The following SLC26A7 variants were observed in gnomAD, a reference collection of about 807,000 sequenced individuals.
SLC26A7 encodes the protein anion exchange transporter.
In SLC26A7, 59 loss-of-function variants were observed where a neutral mutation model predicts 82.5. The ratio of observed to expected loss-of-function variants is 0.72; its 90% confidence interval spans 0.58 to 0.89. The LOEUF is 0.89. SLC26A7 is among the 40% of genes least tolerant of loss of function. The pLI, the probability that SLC26A7 is intolerant of heterozygous loss-of-function variation, is 0.00. For synonymous variants in SLC26A7, 271 were observed against 274.3 expected (o/e 0.99, Z 0.12); for missense variants, 820 against 793.0 (o/e 1.03, Z -0.41).
At chr8:91,279,058 A>G (rs973225620) in intron 2 of SLC26A7, among the ~76,000 whole-genome samples, 1 of 146,834 alleles carries the variant, frequency 6.8e-6, no homozygotes, top group East Asian at 2.1e-4. Flanking sequence ...TTCATCTACA[A>G]TGTCACAAAT....
At chr8:91,321,477 G>A (rs975621149) in intron 5 of SLC26A7, among the ~76,000 whole-genome samples, 3 of 152,174 alleles carry the variant, frequency 2.0e-5, no homozygotes, top group Admixed American at 6.5e-5. Flanking sequence ...AGTTCTTCCC[G>A]AGTGTGAAAC....
intron 15 of SLC26A7, among the ~76,000 whole-genome samples, chr8:91,387,844 TA>T (rs1387129277): frequency 6.6e-6 from 1 of 152,292 alleles, no homozygotes; most frequent in East Asian, 1.9e-4. Context: ...ACCCACTCCT[TA>T]AAAAAATTAC....
At chr8:91,377,504 C>A (rs186981939) in intron 15 of SLC26A7, among the ~76,000 whole-genome samples, 1 of 152,270 alleles carries the variant, frequency 6.6e-6, no homozygotes, top group African/African-American at 2.4e-5. Flanking sequence ...CGCAGTGACT[C>A]AAGGACAGAG....
At chr8:91,321,729 A>G (rs544841056) in intron 5 of SLC26A7, among the ~76,000 whole-genome samples, 53 of 152,168 alleles carry the variant, frequency 3.5e-4, no homozygotes, top group Non-Finnish European at 5.9e-4. Flanking sequence ...TGATTAAACT[A>G]TCTTTCTTTT....
intron 11 of SLC26A7, among the ~76,000 whole-genome samples, chr8:91,353,610 A>C (rs1813782237): frequency 6.6e-6 from 1 of 152,126 alleles, no homozygotes; most frequent in Non-Finnish European, 1.5e-5. Flanking sequence ...CTCCCTCTCC[A>C]ATATGGGAGA....
intron 2 of SLC26A7, among the ~76,000 whole-genome samples, chr8:91,250,675 AG>A (rs902216099): frequency 7.2e-5 from 11 of 152,152 alleles, no homozygotes; most frequent in African/African-American, 2.7e-4. Context: ...TAGACACTGC[AG>A]GCTTATATTT....
At chr8:91,288,143 G>A (rs1811759723) in intron 2 of SLC26A7, among the ~76,000 whole-genome samples, 1 of 152,126 alleles carries the variant, frequency 6.6e-6, no homozygotes, top group South Asian at 2.1e-4. Flanking sequence ...AATGGTAAAA[G>A]CTCAACAGTA....
chr8:91,319,910 CA>C (rs1812743063), intron 5 of SLC26A7, among the ~76,000 whole-genome samples: 1 of 152,146 alleles, frequency 6.6e-6, no homozygotes, highest in Non-Finnish European at 1.5e-5. Flanking sequence ...ATTGGTCTTT[CA>C]GCTTGTTTCT....
At chr8:91,265,802 A>G (rs958112638) in intron 2 of SLC26A7, among the ~76,000 whole-genome samples, 3 of 151,618 alleles carry the variant, frequency 2.0e-5, no homozygotes, top group Non-Finnish European at 1.5e-5. Flanking sequence ...GGTTTTTGCT[A>G]TTGAGTTGTT....
rs146871624 is a variant in SLC26A7, at chr8:91,335,827, G to A, written c.795+1380G>A. 1.4e-4 allele frequency among the ~76,000 whole-genome samples: 22 copies of A among 152,190 alleles called. 1 individual carries two copies. The highest frequency in any genetic ancestry group is 9.7e-4 in the East Asian group (5 of 5,174). On this transcript the variant is annotated intron_variant, in intron 6 of 18. Coordinates refer to ENST00000276609, the MANE Select transcript of SLC26A7 (RefSeq NM_052832.4). ...TCCCTTAGTGATGACTTTAAAAGCCGGGTTAGAACAGAGAATTTTCCTAGT... is the reference window on the plus strand; with the variant it reads ...TCCCTTAGTGATGACTTTAAAAGCCAGGTTAGAACAGAGAATTTTCCTAGT...
At chr8:91,281,036 C>T (rs888497948) in intron 2 of SLC26A7, among the ~76,000 whole-genome samples, 6 of 152,268 alleles carry the variant, frequency 3.9e-5, no homozygotes, top group Admixed American at 1.3e-4. Flanking sequence ...AAGTAAACCT[C>T]ATCACAATTT....
chr8:91,225,922 C>T (rs139477307), intron 2 of SLC26A7, among the ~76,000 whole-genome samples: 68 of 152,208 alleles, frequency 4.5e-4, no homozygotes, highest in African/African-American at 1.5e-3. Context: ...CCTCCTCTGG[C>T]TGGTACTCCA....
intron 10 of SLC26A7, 135 bp downstream of exon 10, chr8:91,352,022 G>A (rs1186376211): frequency 4.1e-6 from 3 of 739,160 alleles, no homozygotes; most frequent in Admixed American, 4.8e-5. Flanking sequence ...AGTTTGAATG[G>A]GGGAGGTGTG....
At chr8:91,360,828 G>C (rs1814029877) in intron 11 of SLC26A7, among the ~76,000 whole-genome samples, 1 of 152,126 alleles carries the variant, frequency 6.6e-6, no homozygotes, top group African/African-American at 2.4e-5. Flanking sequence ...ATTTGAAAAT[G>C]AGTGAGACTC....
At chr8:91,246,684 G>A (rs1269350919), upstream of SLC26A7, among the ~76,000 whole-genome samples, 4 of 140,788 alleles carry the variant, frequency 2.8e-5, no homozygotes, top group Non-Finnish European at 5.9e-5. Flanking sequence ...TGGGAGTTAA[G>A]AGCGAGACTC....
intron 2 of SLC26A7, among the ~76,000 whole-genome samples, chr8:91,241,524 T>C (rs533732038): frequency 1.3e-5 from 2 of 152,318 alleles, no homozygotes; most frequent in East Asian, 3.9e-4. Flanking sequence ...AAGTGTGTTG[T>C]GCATTTTGCT....
intron 3 of SLC26A7, 57 bp downstream of exon 3, chr8:91,289,303 A>G: frequency 7.8e-7 from 1 of 1,282,918 alleles, no homozygotes; most frequent in Non-Finnish European, 1.1e-6. Context: ...CTTAGTGATT[A>G]TTACTGATTA....
At chr8:91,271,910 AG>A (rs1489243342) in intron 2 of SLC26A7, among the ~76,000 whole-genome samples, 1 of 152,172 alleles carries the variant, frequency 6.6e-6, no homozygotes, top group African/African-American at 2.4e-5. Flanking sequence ...TCTTATAGAA[AG>A]TTAGTCCTTC....
intron 2 of SLC26A7, among the ~76,000 whole-genome samples, chr8:91,272,662 T>A (rs556741302): frequency 6.6e-6 from 1 of 152,332 alleles, no homozygotes; most frequent in South Asian, 2.1e-4. Flanking sequence ...TACTTTCTAA[T>A]AATATAATTT....
Sources: gnomAD v4.1 joint callset for allele counts (sites outside exome capture counted in the v4.1 genomes callset) on GRCh38, gnomAD v4.1.1 for gene constraint, MANE v1.5 for transcripts, NCBI Gene and HGNC (gene_info 2026-07-23, HGNC 2026-07-21) for gene names.